ST3GAL3: variants seen among roughly 807,000 people sequenced by gnomAD.
The protein encoded by ST3GAL3 is ST3 beta-galactoside alpha-2,3-sialyltransferase 3, also known as CMP-N-acetylneuraminate-beta-1,4-galactoside alpha-2,3-sialyltransferase.
A neutral mutation model predicts 50.1 loss-of-function variants in ST3GAL3; 21 were observed. The ratio of observed to expected loss-of-function variants is 0.42; its 90% CI spans 0.30 to 0.60. The LOEUF (loss-of-function observed/expected upper bound fraction) is 0.60. Among genes scored for constraint, ST3GAL3 ranks in the 20% least tolerant of loss-of-function variants. ST3GAL3 has a pLI of 0.19. For missense variants in ST3GAL3, 353 were observed against 489.4 expected, an observed-to-expected ratio of 0.72 and a Z score of 2.63; for synonymous variants, 183 against 190.0, an observed-to-expected ratio of 0.96 and a Z score of 0.30.
At chr1:43,773,690 T>C (rs149597308) in intron 2 of ST3GAL3, among the ~76,000 whole-genome samples, 2 of 152,322 alleles carry the variant, frequency 1.3e-5, no homozygotes, top group African/African-American at 4.8e-5. Flanking sequence ...AAAAACAAAG[T>C]TTTTCTCCTT....
chr1:43,899,226 C>T lies in ST3GAL3; in HGVS notation c.520C>T (p.Leu174=), dbSNP rs2077856638. Residue 174 remains leucine (L), a synonymous_variant, in exon 8 of 12, where the codon CTG becomes TTG. Coordinates refer to ENST00000347631, the MANE Select transcript of ST3GAL3 (RefSeq NM_006279.5). This position sits in a 1 kb window ranked among gnomAD's most constrained non-coding sequence, Gnocchi z 5.4. Reference sequence around the variant, plus strand: ...TGGAGGCGTTCTTGCCAACAAGTCTCTGGGGTCACGAATTGACGACTATGA... The same window carrying T: ...TGGAGGCGTTCTTGCCAACAAGTCTTTGGGGTCACGAATTGACGACTATGA... The part of the protein sequence containing the change: ...GNGGVLANKS[L]GSRIDDYDIV... 1.2e-6 allele frequency: 2 copies of T among 1,614,248 alleles called. No individual in the cohort carries two copies. Among genetic ancestry groups the T allele is most frequent in the Non-Finnish European group, 1.7e-6 (2 of 1,180,046 alleles).
chr1:43,798,751 T>C (rs1031374308), intron 3 of ST3GAL3, among the ~76,000 whole-genome samples: 20 of 152,220 alleles, frequency 1.3e-4, no homozygotes, highest in African/African-American at 4.6e-4. Flanking sequence ...ACTTGCACAC[T>C]GTCAATCTCC....
intron 2 of ST3GAL3, among the ~76,000 whole-genome samples, chr1:43,752,459 T>C (rs1239340230): frequency 1.3e-5 from 2 of 152,236 alleles, no homozygotes; most frequent in African/African-American, 2.4e-5. Context: ...ATAGACTAAA[T>C]ATTTTTTCCT....
At chr1:43,898,186 T>C in intron 6 of ST3GAL3, 49 bp from the exon 7 acceptor site, 1 of 1,594,410 alleles carries the variant, frequency 6.3e-7, no homozygotes, top group Non-Finnish European at 8.6e-7. Flanking sequence ...AAACATTTTA[T>C]AGAAAGGTAA....
At chr1:43,778,794 C>G (rs1229449522) in intron 2 of ST3GAL3, among the ~76,000 whole-genome samples, 2 of 150,970 alleles carry the variant, frequency 1.3e-5, no homozygotes, top group African/African-American at 2.4e-5. Context: ...TACAGGCACC[C>G]GCCACAACGC....
At chr1:43,842,789 CT>C (rs1261866492) in intron 5 of ST3GAL3, 36 of 106,444 alleles carry the variant, frequency 3.4e-4, no homozygotes, top group African/African-American at 1.4e-3. Flanking sequence ...CAAAGCAAGA[CT>C]CCATCTCAAA....
chr1:43,917,505 T>A (rs567180060), intron 9 of ST3GAL3, among the ~76,000 whole-genome samples: 1,350 of 68,772 alleles, frequency 0.02, 50 homozygotes, highest in African/African-American at 0.067. Flanking sequence ...TATAATATAT[T>A]ATATAATATA....
chr1:43,759,647 T>C (rs1689551622), intron 2 of ST3GAL3, among the ~76,000 whole-genome samples: 1 of 152,210 alleles, frequency 6.6e-6, no homozygotes, highest in African/African-American at 2.4e-5. Context: ...CCTGTTGCAC[T>C]GTGTTGGCAT....
At chr1:43,807,155 G>T (rs1485554060) in intron 3 of ST3GAL3, among the ~76,000 whole-genome samples, 1 of 152,102 alleles carries the variant, frequency 6.6e-6, no homozygotes, top group Non-Finnish European at 1.5e-5. Context: ...GGTGGCTCAC[G>T]CCTGTAATCT....
At chr1:43,849,343 A>G (rs998384774) in intron 5 of ST3GAL3, among the ~76,000 whole-genome samples, 6 of 152,102 alleles carry the variant, frequency 3.9e-5, no homozygotes, top group African/African-American at 1.2e-4. Context: ...ATTTTGACAG[A>G]AAAGGACTTG....
intron 4 of ST3GAL3, among the ~76,000 whole-genome samples, chr1:43,830,726 G>A (rs2063434517): frequency 6.6e-6 from 1 of 152,186 alleles, no homozygotes; most frequent in South Asian, 2.1e-4. Context: ...TTTATAACAA[G>A]TTCCTGCACA....
At chr1:43,708,829 T>G (rs1456805961) in intron 1 of ST3GAL3, among the ~76,000 whole-genome samples, 1 of 152,208 alleles carries the variant, frequency 6.6e-6, no homozygotes, top group African/African-American at 2.4e-5. Flanking sequence ...TCTCAGAGAC[T>G]AACAGACTTT....
chr1:43,930,367 C>CAGGCA lies in ST3GAL3; in HGVS notation c.*146_*147insAGGCA. On this transcript the variant is annotated 3_prime_UTR_variant, in exon 12 of 12. Transcript: ENST00000347631. ...CCTTGGTGGAGCAGCCAGAGCTGTG[C>CAGGCA]CTGCTCAGCAGCCAGTCTCAGAGAC... The CAGGCA allele has an allele frequency of 1.3e-6, 1 of 768,930 alleles. No homozygotes were observed. Among genetic ancestry groups the CAGGCA allele is most frequent in the Non-Finnish European group, 2.3e-6 (1 of 441,316 alleles). The allele number at this position is 768,930 out of a possible 1,614,324, so 47.6% of individuals were successfully genotyped here.
At chr1:43,912,568 G>C (rs1379051065) in intron 9 of ST3GAL3, 1 of 152,310 alleles carries the variant, frequency 6.6e-6, no homozygotes, top group Non-Finnish European at 1.5e-5. Flanking sequence ...ATGGCTGTTA[G>C]AGTCACCCCA....
chr1:43,811,677 C>T (rs1317430693), intron 3 of ST3GAL3, among the ~76,000 whole-genome samples: 1 of 152,170 alleles, frequency 6.6e-6, no homozygotes, highest in Non-Finnish European at 1.5e-5. Flanking sequence ...CTCCTGCAGC[C>T]AGCCCGCCCA....
At chr1:43,925,612 C>T (rs1230727336) in intron 11 of ST3GAL3, among the ~76,000 whole-genome samples, 1 of 152,228 alleles carries the variant, frequency 6.6e-6, no homozygotes, top group African/African-American at 2.4e-5. Context: ...TGGGGTGTCT[C>T]ACATGGACCA....
At chr1:43,916,671 T>A (rs2081860235) in intron 9 of ST3GAL3, 1 of 152,124 alleles carries the variant, frequency 6.6e-6, no homozygotes, top group African/African-American at 2.4e-5. Flanking sequence ...CAGCCTAGAA[T>A]TCCTGAACTC....
chr1:43,765,817 G>A lies in ST3GAL3; in HGVS notation c.119-26285G>A, dbSNP rs567532940. On this transcript the variant is annotated intron_variant, in intron 2 of 11. Transcript: ENST00000347631. Reference sequence around the variant, plus strand: ...CGCGCGCGCGTCCGCGCGTCCGCGTGCGCTTTTTTTTTAGTGGTATAGGAG... The same window carrying A: ...CGCGCGCGCGTCCGCGCGTCCGCGTACGCTTTTTTTTTAGTGGTATAGGAG... Among the ~76,000 whole-genome samples, 4 of 144,318 alleles carry A rather than the reference G, an allele frequency of 2.8e-5. No homozygotes were observed. In the East Asian group the frequency reaches 5.8e-4, roughly 21 times the overall value. The allele number at this position is 144,318 out of a possible 152,430, so 94.7% of individuals were successfully genotyped here. A position where few individuals can be genotyped will look rare whatever the true frequency, so the allele number is the denominator to read the frequency against.
In ST3GAL3 at chr1:43,745,265, T is replaced by A. The variant is rs182356700; in HGVS notation, c.118+8885T>A. On this transcript the variant is annotated intron_variant, in intron 2 of 11. Coordinates refer to ENST00000347631, the MANE Select transcript of ST3GAL3 (RefSeq NM_006279.5). ...TTTGGACATATGTAGAGGTAAAAGA[T>A]ATGTCAACACTTGCATAAGGGATGG... Among the ~76,000 whole-genome samples, 891 of 152,306 alleles carry A rather than the reference T, an allele frequency of 5.9e-3. 4 individuals are homozygous for A. The highest frequency in any genetic ancestry group is 7.3e-3 in the Non-Finnish European group (496 of 68,032).
Sources: allele counts gnomAD v4.1 joint callset (sites outside exome capture counted in the v4.1 genomes callset), GRCh38; gene constraint gnomAD v4.1.1; non-coding constraint Gnocchi (gnomAD v3.1); transcripts MANE v1.5; gene names NCBI Gene and HGNC (gene_info 2026-07-23, HGNC 2026-07-21).